CTSF: variants seen among roughly 807,000 people sequenced by gnomAD.
The protein encoded by CTSF is cathepsin F.
Under a neutral mutation model 63.5 loss-of-function variants are expected in CTSF, and 65 were observed. The observed-to-expected ratio is 1.02, with a 90% CI of 0.84 to 1.26. The LOEUF (loss-of-function observed/expected upper bound fraction) is 1.26. Ranked by LOEUF, CTSF falls within the 50% of genes most tolerant of loss-of-function variation. The pLI, the probability that CTSF is intolerant of heterozygous loss-of-function variation, is 0.00. For missense variants in CTSF, 641 were observed against 631.0 expected (o/e 1.02, Z -0.17); for synonymous variants, 256 against 258.1 (o/e 0.99, Z 0.08).
intron 4 of CTSF, among the ~76,000 whole-genome samples, chr11:66,566,914 G>A (rs1174050537): frequency 6.6e-6 from 1 of 151,956 alleles, no homozygotes; most frequent in Admixed American, 6.6e-5. Context: ...TTTTAGTAGA[G>A]ATGGGGTTTC....
Position 66,567,265 on chromosome 11 carries a change from C to A in CTSF, c.588G>T (p.Arg196=). ...CCTCACCTTCCTTTGACTCATATGT[C>A]CGGTTATAGGTAATGACAAAGTTCT... ...IFKNFVITYN[R]TYESKEEARW... Residue 196 remains arginine (R), a synonymous_variant, in exon 4 of 13, where the codon CGG becomes CGT. Transcript: ENST00000310325. The A allele has an allele frequency of 6.2e-7, 1 of 1,614,126 alleles. No homozygotes were observed.
rs1857898122 is a variant in CTSF at position 66,565,011 on chromosome 11, G to A, written c.1046-5C>T. The A allele has an allele frequency of 6.4e-7, 1 of 1,552,602 alleles. No homozygotes were observed. Among genetic ancestry groups the A allele is most frequent in the Non-Finnish European group, 8.7e-7 (1 of 1,146,232 alleles). ...CATCCTCTGTCTCCAGCCCTCCTGG[G>A]GAACGGTGGGGGTGAGTAGAGAAGG... On this transcript the variant is annotated splice_region_variant and splice_polypyrimidine_tract_variant and intron_variant, in intron 8 of 12. Transcript: ENST00000310325.
In CTSF at chr11:66,568,473, A is replaced by G. The variant is rs1244352233; in HGVS notation, c.14T>C (p.Leu5Pro). Residue 5 changes from leucine to proline, a missense_variant, in exon 1 of 13, where the codon CTG (leucine) becomes CCG (proline). Leu to Pro is a moderately conservative substitution (Grantham distance 98). Coordinates refer to ENST00000310325, the MANE Select transcript of CTSF (RefSeq NM_003793.4). ...CAGCCCCAGCAGCGACAGGAGCTGC[A>G]GCCAGGGCGCCATGGCGAGGGCGAA... is the stretch of plus-strand genomic sequence containing the variant. MAPWLQLLSLLGLLP... is the reference protein window; with the variant it reads MAPWPQLLSLLGLLP... 3.0e-5 allele frequency: 44 copies of G among 1,473,636 alleles called. No homozygotes were observed. The highest frequency in any genetic ancestry group is 3.9e-5 in the Non-Finnish European group (44 of 1,120,302). 91.3% of individuals were successfully genotyped at this position (1,473,636 alleles called of 1,614,324 possible).
chr11:66,566,459 G>C lies in CTSF; in HGVS notation c.608-55C>G, dbSNP rs371113982. On this transcript the variant is annotated intron_variant, in intron 4 of 12. Coordinates refer to ENST00000310325, the MANE Select transcript of CTSF (RefSeq NM_003793.4). ...TTCGACCCCAGGCAGATAAAAGGAAGGGCAATTGGGGCTAGCAGGCAGGGG... is the reference window on the plus strand; with the variant it reads ...TTCGACCCCAGGCAGATAAAAGGAACGGCAATTGGGGCTAGCAGGCAGGGG... 744 of 1,527,400 alleles carry C rather than the reference G, an allele frequency of 4.9e-4. 3 individuals carry two copies. In the African/African-American group the frequency reaches 7.2e-3, roughly 15 times the overall value. 94.6% of individuals were successfully genotyped at this position (1,527,400 alleles called of 1,614,324 possible).
rs774915635 is a variant in CTSF, at chr11:66,568,033, G to C, written c.263C>G (p.Pro88Arg). The change falls in exon 2 of 13, where the codon CCC becomes CGC. Residue 88 changes from proline (P) to arginine (R), a missense_variant. Transcript: ENST00000310325. ...YSLEATLEEPPCNDPMVCRLP... is the reference protein window; with the variant it reads ...YSLEATLEEPRCNDPMVCRLP... ...CCGGCACACCATGGGGTCGTTGCAG[G>C]GTGGCTCCTCCAGGGTGGCCTCCAG... 8 of 1,603,408 alleles carry C rather than the reference G, an allele frequency of 5.0e-6. No homozygotes were observed. The highest frequency in any genetic ancestry group is 6.8e-6 in the Non-Finnish European group (8 of 1,176,010).
chr11:66,568,549 C>T lies in CTSF; in HGVS notation c.-63G>A, dbSNP rs1857989462. 1.4e-6 allele frequency: 2 copies of T among 1,457,156 alleles called. No individual in the cohort carries two copies. Among genetic ancestry groups the T allele is most frequent in the Admixed American group, 2.6e-5 (1 of 39,112 alleles). 90.3% of individuals were successfully genotyped at this position (1,457,156 alleles called of 1,614,324 possible). On this transcript the variant is annotated 5_prime_UTR_variant, in exon 1 of 13. Coordinates refer to ENST00000310325, the MANE Select transcript of CTSF (RefSeq NM_003793.4). ...CTCCACCGACCCACCGGGTACCGAG[C>T]CCGCGGCCAGCGGGGCCTGAGTCCT... is the stretch of plus-strand genomic sequence containing the variant.
At chr11:66,565,949 G>A (rs376173549) in intron 6 of CTSF, 22 bp from the exon 7 acceptor site, 171 of 1,614,028 alleles carry the variant, frequency 1.1e-4, no homozygotes, top group Non-Finnish European at 1.4e-4. Context: ...GGGTGGAGTT[G>A]GAGTCAGAGC....
chr11:66,567,689 G>A lies in CTSF; in HGVS notation c.313-27C>T, dbSNP rs377214961. 7.4e-5 allele frequency: 118 copies of A among 1,602,636 alleles called. No homozygotes were observed. In the African/African-American group the frequency reaches 9.3e-4, roughly 13 times the overall value. ...TGGAGGGAGAGGAAGAAGCTGCTCT[G>A]GGGGCCTGGATCTGGATCTGGGGAG... is the stretch of plus-strand genomic sequence containing the variant. On this transcript the variant is annotated intron_variant, in intron 2 of 12. Coordinates refer to ENST00000310325, the MANE Select transcript of CTSF (RefSeq NM_003793.4).
Position 66,568,535 on chromosome 11 carries a change from CA to C in CTSF, c.-50del. The C allele has an allele frequency of 6.8e-7, 1 of 1,470,594 alleles. No individual in the cohort carries two copies. Among genetic ancestry groups the C allele is most frequent in the Non-Finnish European group, 8.9e-7 (1 of 1,118,698 alleles). 91.1% of individuals were successfully genotyped at this position (1,470,594 alleles called of 1,614,324 possible). Reference sequence around the variant, plus strand: ...GGACCCAACAGACGCTCCACCGACCCACCGGGTACCGAGCCCGCGGCCAGCG... The same window carrying C: ...GGACCCAACAGACGCTCCACCGACCCCCGGGTACCGAGCCCGCGGCCAGCG... On this transcript the variant is annotated 5_prime_UTR_variant, in exon 1 of 13. Transcript: ENST00000310325.
Position 66,563,761 on chromosome 11 carries a change from G to A in CTSF, c.*172C>T. 1.4e-6 allele frequency: 1 copy of A among 726,330 alleles called. No homozygotes were observed. Among genetic ancestry groups the A allele is most frequent in the Non-Finnish European group, 2.2e-6 (1 of 447,104 alleles). 45.0% of individuals were successfully genotyped at this position (726,330 alleles called of 1,614,324 possible). A position where few individuals can be genotyped will look rare whatever the true frequency, so the allele number is the denominator to read the frequency against. ...AGGTGCAGAACTTCAGGGTGGGAAT[G>A]GGGTGCAGGGAAGCAGGGGCTGTGC... On this transcript the variant is annotated 3_prime_UTR_variant, in exon 13 of 13. Transcript: ENST00000310325.
chr11:66,564,119 T>C lies in CTSF; in HGVS notation c.1349A>G (p.Lys450Arg), dbSNP rs780392718. The change falls in exon 12 of 13, where the codon AAG becomes AGG. Residue 450 changes from lysine (K) to arginine (R), a missense_variant. Coordinates refer to ENST00000310325, the MANE Select transcript of CTSF (RefSeq NM_003793.4). ...ACCCCAGTCAGTGCCCCAGCTGTTC[T>C]TGATGGCCCAAAAGGGAACGTCAGA... Reference protein sequence around the residue: ...NRSDVPFWAIKNSWGTDWGEK... With the variant: ...NRSDVPFWAIRNSWGTDWGEK... 50 of 1,613,242 alleles carry C rather than the reference T, an allele frequency of 3.1e-5. No individual in the cohort carries two copies. Among genetic ancestry groups the C allele is most frequent in the African/African-American group, 5.3e-5 (4 of 74,934 alleles).
Position 66,563,783 on chromosome 11 carries a change from G to C in CTSF, c.*150C>G. The stretch of plus-strand genomic sequence containing the variant: ...AATGGGGTGCAGGGAAGCAGGGGCT[G>C]TGCCCCAGCCCAGTGCCCTCTGCTC... On this transcript the variant is annotated 3_prime_UTR_variant, in exon 13 of 13. Transcript: ENST00000310325. 1 of 902,450 alleles carries C rather than the reference G, an allele frequency of 1.1e-6. No individual in the cohort carries two copies. Among genetic ancestry groups the C allele is most frequent in the Non-Finnish European group, 1.7e-6 (1 of 597,872 alleles). 55.9% of individuals were successfully genotyped at this position (902,450 alleles called of 1,614,324 possible).
rs1857855767 is a variant in CTSF, at chr11:66,563,610, C to A, written c.*323G>T. On this transcript the variant is annotated 3_prime_UTR_variant, in exon 13 of 13. Transcript: ENST00000310325. ...AAAGCGGGGGCAGAACAGAGCTGGG[C>A]TTAAGATCAGAAAATTTTCTTCCTG... 3.7e-6 allele frequency: 2 copies of A among 538,194 alleles called. No individual in the cohort carries two copies. Among genetic ancestry groups the A allele is most frequent in the African/African-American group, 3.8e-5 (2 of 53,182 alleles). 33.3% of individuals were successfully genotyped at this position (538,194 alleles called of 1,614,324 possible).
chr11:66,567,335 C>A lies in CTSF; in HGVS notation c.532-14G>T, dbSNP rs1857953809. Reference sequence around the variant, plus strand: ...CACAGGCAAGTCCTGGATAGGCAGACCAGTCTTTAGGCTGACCAGAGAAAC... The same window carrying A: ...CACAGGCAAGTCCTGGATAGGCAGAACAGTCTTTAGGCTGACCAGAGAAAC... On this transcript the variant is annotated splice_polypyrimidine_tract_variant and intron_variant, in intron 3 of 12. Transcript: ENST00000310325. 20 of 1,614,110 alleles carry A rather than the reference C, an allele frequency of 1.2e-5. No individual in the cohort carries two copies. The highest frequency in any genetic ancestry group is 1.6e-5 in the Non-Finnish European group (19 of 1,180,004).
rs371296361 is a variant in CTSF at position 66,567,366 on chromosome 11, C to A, written c.532-45G>T. On this transcript the variant is annotated intron_variant, in intron 3 of 12. Coordinates refer to ENST00000310325, the MANE Select transcript of CTSF (RefSeq NM_003793.4). ...TTTAGGCTGACCAGAGAAACCCACT[C>A]CAGAGGGAAGGGAGAAGGGTGATGA... The A allele has an allele frequency of 9.3e-6, 15 of 1,613,648 alleles. No homozygotes were observed. The South Asian group carries it at 1.6e-4, about 18-fold the overall frequency.
chr11:66,564,865 C>T (rs1331833741), intron 9 of CTSF, 22 bp downstream of exon 9: 1 of 1,613,958 alleles, frequency 6.2e-7, no homozygotes, highest in Non-Finnish European at 8.5e-7. Flanking sequence ...CCTGACCTCA[C>T]CTCACCCTGC....
chr11:66,564,742 C>T lies in CTSF; in HGVS notation c.1230G>A (p.Gln410=). The change falls in exon 10 of 13, where the codon CAG becomes CAA. Residue 410 remains glutamine (Q), a splice_region_variant and synonymous_variant. Transcript: ENST00000310325. ...AGGGGCAGTGGGGCTAGGGCCTCAC[C>T]TGCATGCCAAAGGCATTGATGGCCA... ...ISVAINAFGM[Q]FYRHGISRPL... The T allele has an allele frequency of 1.2e-6, 2 of 1,614,012 alleles. No individual in the cohort carries two copies. The highest frequency in any genetic ancestry group is 1.7e-6 in the Non-Finnish European group (2 of 1,180,014).
In CTSF at chr11:66,563,566, T is replaced by C. The variant is rs1590814164; in HGVS notation, c.*367A>G. 1.6e-5 allele frequency: 7 copies of C among 448,342 alleles called. No homozygotes were observed. In the East Asian group the frequency reaches 2.5e-4, roughly 16 times the overall value. 27.8% of individuals were successfully genotyped at this position (448,342 alleles called of 1,614,324 possible). ...CCTAAATCCAAGGGAACCAGAAAAT[T>C]TATAGTATCAAACAGAGGAAAGCGG... On this transcript the variant is annotated 3_prime_UTR_variant, in exon 13 of 13. Coordinates refer to ENST00000310325, the MANE Select transcript of CTSF (RefSeq NM_003793.4).
chr11:66,563,713 CT>C lies in CTSF; in HGVS notation c.*219del. 3.3e-6 allele frequency: 2 copies of C among 615,208 alleles called. No individual in the cohort carries two copies. Among genetic ancestry groups the C allele is most frequent in the South Asian group, 2.0e-5 (1 of 50,102 alleles). The allele number at this position is 615,208 out of a possible 1,614,324, so 38.1% of individuals were successfully genotyped here. A position where few individuals can be genotyped will look rare whatever the true frequency, so the allele number is the denominator to read the frequency against. ...CCCTTCACCCCGACATCCTCCTAAG[CT>C]ACCACAATTCAACAAAGGTGCAGGT... On this transcript the variant is annotated 3_prime_UTR_variant, in exon 13 of 13. Transcript: ENST00000310325.
Sources: allele counts gnomAD v4.1 joint callset (sites outside exome capture counted in the v4.1 genomes callset), GRCh38; gene constraint gnomAD v4.1.1; transcripts MANE v1.5; gene names NCBI Gene and HGNC (gene_info 2026-07-23, HGNC 2026-07-21).